The following NIPBL variants were observed in gnomAD, a reference collection of about 807,000 sequenced individuals.
NIPBL encodes nipped-B-like protein.
In NIPBL, 19 loss-of-function variants were observed where a neutral mutation model predicts 321.8. That is an observed-to-expected ratio of 0.06 (90% CI 0.04 to 0.09). The LOEUF (loss-of-function observed/expected upper bound fraction) is 0.09. Ranked by LOEUF, NIPBL falls within the 10% of genes least tolerant of loss-of-function variation. The pLI, the probability that NIPBL is intolerant of heterozygous loss-of-function variation, is 1.00. For missense variants in NIPBL, 2,210 were observed against 3,327.0 expected, an observed-to-expected ratio of 0.66 and a Z score of 8.26; for synonymous variants, 1,106 against 1,114.1, an observed-to-expected ratio of 0.99 and a Z score of 0.14.
At chr5:36,924,856 A>G (rs1029421245) in intron 1 of NIPBL, among the ~76,000 whole-genome samples, 2 of 152,122 alleles carry the variant, frequency 1.3e-5, no homozygotes, top group South Asian at 2.1e-4. Flanking sequence ...TTTATTTTCT[A>G]TAATAATTCC....
intron 1 of NIPBL, among the ~76,000 whole-genome samples, chr5:36,883,595 C>G (rs528979488): frequency 6.6e-6 from 1 of 151,758 alleles, no homozygotes; most frequent in Non-Finnish European, 1.5e-5. Context: ...AAATATTAGT[C>G]TTTATGATTG....
intron 20 of NIPBL, among the ~76,000 whole-genome samples, chr5:37,009,027 G>A (rs370250867): frequency 1.2e-4 from 18 of 152,080 alleles, no homozygotes; most frequent in Admixed American, 9.2e-4. Context: ...CATGCTCAGC[G>A]GCATCCCTGA....
intron 4 of NIPBL, among the ~76,000 whole-genome samples, chr5:36,959,099 T>C (rs1183238477): frequency 6.6e-6 from 1 of 152,064 alleles, no homozygotes; most frequent in African/African-American, 2.4e-5. Flanking sequence ...CCCAGCTACT[T>C]GGGAGGTTGA....
At chr5:37,061,100 T>C in intron 45 of NIPBL, 82 bp downstream of exon 45, 1 of 968,224 alleles carries the variant, frequency 1.0e-6, no homozygotes, top group Non-Finnish European at 1.6e-6. Flanking sequence ...GGGAGATAAC[T>C]ATCTCCTTCA....
intron 1 of NIPBL, among the ~76,000 whole-genome samples, chr5:36,878,540 A>G (rs1271737939): frequency 6.6e-6 from 1 of 152,234 alleles, no homozygotes; most frequent in Non-Finnish European, 1.5e-5. Context: ...TCATTGGTTA[A>G]AATGAAGCAG....
At chr5:37,026,871 A>C (rs1408752793) in intron 31 of NIPBL, among the ~76,000 whole-genome samples, 1 of 151,788 alleles carries the variant, frequency 6.6e-6, no homozygotes, top group East Asian at 1.9e-4. Flanking sequence ...GTGAATAGGC[A>C]CTACACTCCA....
intron 1 of NIPBL, among the ~76,000 whole-genome samples, chr5:36,915,741 T>A (rs1748407148): frequency 6.6e-6 from 1 of 152,176 alleles, no homozygotes; most frequent in African/African-American, 2.4e-5. Flanking sequence ...GACCTTTGGT[T>A]TGACATGTAA....
intron 1 of NIPBL, among the ~76,000 whole-genome samples, chr5:36,884,312 C>G (rs989189456): frequency 6.6e-6 from 1 of 152,064 alleles, no homozygotes; most frequent in Non-Finnish European, 1.5e-5. Flanking sequence ...TCAGAGGCCT[C>G]AAATTCTGAG....
intron 9 of NIPBL, among the ~76,000 whole-genome samples, chr5:36,983,943 G>T (rs1480820281): frequency 6.6e-6 from 1 of 151,858 alleles, no homozygotes; most frequent in Non-Finnish European, 1.5e-5. Flanking sequence ...CTTAAGACAG[G>T]ATTCTAATTT....
chr5:36,898,930 T>TA (rs1414700572), intron 1 of NIPBL, among the ~76,000 whole-genome samples: 5 of 152,362 alleles, frequency 3.3e-5, no homozygotes, highest in Non-Finnish European at 1.5e-5. Flanking sequence ...GATTATATAA[T>TA]AAATAATATT....
intron 25 of NIPBL, 118 bp from the exon 26 acceptor site, chr5:37,020,341 G>C: frequency 1.4e-6 from 1 of 731,190 alleles, no homozygotes; most frequent in East Asian, 2.7e-5. Context: ...TCACATGGAA[G>C]TTGTTTTAAA....
At chr5:36,977,732 A>G (rs1221645612) in intron 9 of NIPBL, among the ~76,000 whole-genome samples, 1 of 151,042 alleles carries the variant, frequency 6.6e-6, no homozygotes, top group Non-Finnish European at 1.5e-5. Context: ...TACCCATTAG[A>G]TAGTTTTTCA....
At chr5:36,968,990 A>G (rs933563577) in intron 6 of NIPBL, among the ~76,000 whole-genome samples, 1 of 152,234 alleles carries the variant, frequency 6.6e-6, no homozygotes, top group Non-Finnish European at 1.5e-5. Context: ...ACACAGCATC[A>G]TTATAATGAA....
chr5:37,030,403 TAA>T (rs1200279982), intron 32 of NIPBL, among the ~76,000 whole-genome samples: 1 of 152,124 alleles, frequency 6.6e-6, no homozygotes, highest in Non-Finnish European at 1.5e-5. Flanking sequence ...GACAGAGACA[TAA>T]CTACTCTGAG....
In NIPBL at chr5:37,065,116, T is replaced by C. The variant is rs1261377280; in HGVS notation, c.*224T>C. The C allele has an allele frequency of 7.0e-6, 4 of 567,894 alleles. No individual in the cohort carries two copies. Among genetic ancestry groups the C allele is most frequent in the Non-Finnish European group, 1.2e-5 (4 of 323,674 alleles). The allele number at this position is 567,894 out of a possible 1,614,324, so 35.2% of individuals were successfully genotyped here. The stretch of plus-strand genomic sequence containing the variant: ...GTTCATTTTTACTCCCACTGTATTA[T>C]AGTTTAACAAAAATTGTTTATATCT... On this transcript the variant is annotated 3_prime_UTR_variant, in exon 47 of 47. Coordinates refer to ENST00000282516, the MANE Select transcript of NIPBL (RefSeq NM_133433.4).
chr5:37,045,371 ATTAGTAGTAATTACTTGAAC>A, intron 36 of NIPBL, 52 bp from the exon 37 acceptor site: 3 of 1,210,590 alleles, frequency 2.5e-6, no homozygotes, highest in Non-Finnish European at 3.6e-6. Context: ...ATTGTAATTC[ATTAGTAGTAATTACTTGAAC>A]TTAGTAATTC....
rs764922800 is a variant in NIPBL, at chr5:37,007,368, A to G, written c.4133A>G (p.His1378Arg). The change falls in exon 18 of 47, where the codon CAT (histidine) becomes CGT (arginine). Residue 1378 changes from histidine to arginine, a missense_variant. Coordinates refer to ENST00000282516, the MANE Select transcript of NIPBL (RefSeq NM_133433.4). ...SKAKRAKCST[H>R]KQRVIVMLYN... ...GCAAAACGGGCTAAATGTTCTACCC[A>G]TAAGCAGAGAGTAATAGTAATGCTT... is the stretch of plus-strand genomic sequence containing the variant. 16 of 1,612,284 alleles carry G rather than the reference A, an allele frequency of 9.9e-6. No homozygotes were observed. The highest frequency in any genetic ancestry group is 1.1e-5 in the Non-Finnish European group (13 of 1,178,742).
intron 1 of NIPBL, among the ~76,000 whole-genome samples, chr5:36,945,438 A>G (rs1177912485): frequency 6.6e-6 from 1 of 152,176 alleles, no homozygotes; most frequent in East Asian, 1.9e-4. Context: ...GAAACCCTAA[A>G]TCTCAACTTT....
rs1045339322 is a variant in NIPBL at position 37,045,483 on chromosome 5, A to C, written c.6384A>C (p.Pro2128=). The C allele has an allele frequency of 3.7e-6, 6 of 1,613,894 alleles. No homozygotes were observed. The African/African-American group carries it at 5.3e-5, about 14-fold the overall frequency. ...SKLKSQHQED[P]NNTSLLTNKP... ...TAAAAAGTCAACACCAAGAGGACCC[A>C]AATAACACTTCACTTCTAACAAACA... is the stretch of plus-strand genomic sequence containing the variant. The change falls in exon 37 of 47, where the codon CCA becomes CCC. Residue 2128 remains proline (P), a synonymous_variant. Coordinates refer to ENST00000282516, the MANE Select transcript of NIPBL (RefSeq NM_133433.4).
Sources: allele counts gnomAD v4.1 joint callset (sites outside exome capture counted in the v4.1 genomes callset), GRCh38; gene constraint gnomAD v4.1.1; transcripts MANE v1.5; gene names NCBI Gene and HGNC (gene_info 2026-07-23, HGNC 2026-07-21).